The following LGI2 variants were observed in gnomAD, a reference collection of about 807,000 sequenced individuals.
LGI2 encodes leucine rich repeat LGI family member 2, also known as leucine-rich repeat LGI family member 2.
Under a neutral mutation model 52.0 loss-of-function variants are expected in LGI2, and 30 were observed. The ratio of observed to expected loss-of-function variants is 0.58; its 90% CI spans 0.43 to 0.78. LGI2 has a LOEUF of 0.78. LGI2 is among the 30% of genes least tolerant of loss of function. LGI2 has a pLI of 0.00. For missense variants in LGI2, 573 were observed against 692.5 expected, an observed-to-expected ratio of 0.83 and a Z score of 1.94; for synonymous variants, 270 against 271.8, an observed-to-expected ratio of 0.99 and a Z score of 0.06.
chr4:25,011,616 C>A (rs548182018), intron 7 of LGI2, among the ~76,000 whole-genome samples: 1 of 152,322 alleles, frequency 6.6e-6, no homozygotes, highest in African/African-American at 2.4e-5. Flanking sequence ...ACATCAGGAA[C>A]CTCTAAAGGA....
At chr4:25,018,845 G>T (rs566605852) in intron 5 of LGI2, among the ~76,000 whole-genome samples, 4 of 150,556 alleles carry the variant, frequency 2.7e-5, no homozygotes, top group Non-Finnish European at 5.9e-5. Flanking sequence ...CTGGGCAACA[G>T]AGCAAGACTA....
In LGI2 at chr4:25,000,059, C is replaced by T. The variant is rs2109400137; in HGVS notation, c.*3392G>A. The T allele has an allele frequency of 3.4e-6, 1 of 291,050 alleles. No individual in the cohort carries two copies. The highest frequency in any genetic ancestry group is 6.9e-6 in the Non-Finnish European group (1 of 145,710). The allele number at this position is 291,050 out of a possible 1,614,324, so 18.0% of individuals were successfully genotyped here. On this transcript the variant is annotated 3_prime_UTR_variant, in exon 8 of 8. Transcript: ENST00000382114. Reference sequence around the variant, plus strand: ...TCTGGACCACTTTCAAGAGTGGGGCCTTGAATGTAAAAAGAGTGGGGCATG... The same window carrying T: ...TCTGGACCACTTTCAAGAGTGGGGCTTTGAATGTAAAAAGAGTGGGGCATG...
At chr4:24,996,828 G>GA (rs1414020698), downstream of LGI2, among the ~76,000 whole-genome samples, 2 of 152,232 alleles carry the variant, frequency 1.3e-5, no homozygotes, top group Non-Finnish European at 2.9e-5. Context: ...GGAAGAGGAA[G>GA]AAAACTTAGC....
At chr4:25,026,791 GT>G in intron 3 of LGI2, 76 bp downstream of exon 3, 1 of 1,151,922 alleles carries the variant, frequency 8.7e-7, no homozygotes. Context: ...CAGAGATGCT[GT>G]TCCAGCACAG....
Position 25,026,097 on chromosome 4 carries a change from T to G in LGI2, c.341+771A>C, listed in dbSNP as rs1726142873. ...ACACAAAGTCAGCAGAGAGCTTTCTTATATCTAGGATGTGTCTAGAATTCC... is the reference window on the plus strand; with the variant it reads ...ACACAAAGTCAGCAGAGAGCTTTCTGATATCTAGGATGTGTCTAGAATTCC... On this transcript the variant is annotated intron_variant, in intron 3 of 7. Transcript: ENST00000382114. 3.3e-5 allele frequency among the ~76,000 whole-genome samples: 5 copies of G among 151,798 alleles called. No homozygotes were observed. In the South Asian group the frequency reaches 1.0e-3, roughly 32 times the overall value.
At chr4:25,015,211 C>A (rs1409190424) in intron 6 of LGI2, among the ~76,000 whole-genome samples, 1 of 152,190 alleles carries the variant, frequency 6.6e-6, no homozygotes, top group African/African-American at 2.4e-5. Context: ...TACATGACGC[C>A]GATCCTTCTG....
intron 6 of LGI2, among the ~76,000 whole-genome samples, chr4:25,014,857 G>A (rs75373699): frequency 4.5e-5 from 5 of 111,528 alleles, no homozygotes. Flanking sequence ...AAAAAAAAGA[G>A]AGAGAGAGAG....
intron 4 of LGI2, among the ~76,000 whole-genome samples, chr4:25,020,541 G>T (rs13138167): frequency 0.13 from 19,289 of 152,220 alleles, 1,538 homozygotes; most frequent in East Asian, 0.36. Flanking sequence ...ACATATGAAT[G>T]CAAACAGCAA....
chr4:25,016,741 G>A lies in LGI2; in HGVS notation c.655+1248C>T, dbSNP rs538254717. Among the ~76,000 whole-genome samples, 3 of 152,320 alleles carry A rather than the reference G, an allele frequency of 2.0e-5. No homozygotes were observed. In the South Asian group the frequency reaches 6.2e-4, roughly 32 times the overall value. On this transcript the variant is annotated intron_variant, in intron 6 of 7. Coordinates refer to ENST00000382114, the MANE Select transcript of LGI2 (RefSeq NM_018176.4). ...TTATTTGTTGGAAGGTGGTAGCGGG[G>A]ACTGGCCTAAATATGATATTTTGTT...
Position 25,030,905 on chromosome 4 carries a change from T to C in LGI2, c.-212A>G, listed in dbSNP as rs1411944749. ...GGCGCCCCCCCACCCGAGCCCGGGC[T>C]GCTGGGCGGCCGCCGCCGCTGCGCC... is the stretch of plus-strand genomic sequence containing the variant. On this transcript the variant is annotated 5_prime_UTR_variant, in exon 1 of 8. Coordinates refer to ENST00000382114, the MANE Select transcript of LGI2 (RefSeq NM_018176.4). 1 of 164,844 alleles carries C rather than the reference T, an allele frequency of 6.1e-6. No individual in the cohort carries two copies. The highest frequency in any genetic ancestry group is 1.3e-5 in the Non-Finnish European group (1 of 79,530). The allele number at this position is 164,844 out of a possible 1,614,324, so 10.2% of individuals were successfully genotyped here.
At chr4:25,015,052 T>C (rs545866641) in intron 6 of LGI2, among the ~76,000 whole-genome samples, 6 of 152,188 alleles carry the variant, frequency 3.9e-5, no homozygotes, top group Admixed American at 2.6e-4. Context: ...GTTAAAATAT[T>C]AATGGCACTC....
intron 7 of LGI2, among the ~76,000 whole-genome samples, chr4:25,010,688 G>A (rs1725552214): frequency 6.6e-6 from 1 of 152,114 alleles, no homozygotes; most frequent in Non-Finnish European, 1.5e-5. Flanking sequence ...CTAACCTATG[G>A]GCAGGTGTAA....
chr4:25,020,716 G>T (rs889036088), intron 4 of LGI2, among the ~76,000 whole-genome samples: 1 of 152,156 alleles, frequency 6.6e-6, no homozygotes, highest in Non-Finnish European at 1.5e-5. Flanking sequence ...AAAGCTTGGA[G>T]CCCAAATATT....
downstream of LGI2, among the ~76,000 whole-genome samples, chr4:24,996,907 G>A (rs918513604): frequency 6.6e-6 from 1 of 152,210 alleles, no homozygotes; most frequent in Non-Finnish European, 1.5e-5. Context: ...CATGCTCTTT[G>A]GGGCCCACAT....
downstream of LGI2, among the ~76,000 whole-genome samples, chr4:24,998,240 C>T (rs1725138080): frequency 6.6e-6 from 1 of 152,156 alleles, no homozygotes; most frequent in African/African-American, 2.4e-5. Flanking sequence ...TACTATTTTC[C>T]CTCTTAACTA....
Position 24,999,667 on chromosome 4 carries a change from C to T in LGI2, c.*3784G>A, listed in dbSNP as rs1725180405. 1 of 333,950 alleles carries T rather than the reference C, an allele frequency of 3.0e-6. No individual in the cohort carries two copies. The allele number at this position is 333,950 out of a possible 1,614,324, so 20.7% of individuals were successfully genotyped here. ...CCCCTCCTGCAGATCTTCATCTCAC[C>T]TTCATTATACCCCAGGCCAGAGAAA... On this transcript the variant is annotated 3_prime_UTR_variant, in exon 8 of 8. Coordinates refer to ENST00000382114, the MANE Select transcript of LGI2 (RefSeq NM_018176.4).
At chr4:25,011,934 T>G (rs1024426450) in intron 7 of LGI2, among the ~76,000 whole-genome samples, 1 of 152,186 alleles carries the variant, frequency 6.6e-6, no homozygotes, top group East Asian at 1.9e-4. Flanking sequence ...TATGTGTGTG[T>G]GTGTGTTTGT....
At position 25,003,768 on chromosome 4, in the gene LGI2, C is replaced by T. The variant is rs749133329; in HGVS notation, c.1321G>A (p.Gly441Arg). The stretch of plus-strand genomic sequence containing the variant: ...TTCCACCTCATGACCCGGGAGTCCC[C>T]GATGAAGCGGGTAAGGGAAAGGTAG... ...TLYLSLTRFI[G>R]DSRVMRWNSK... The change falls in exon 8 of 8, where the codon GGG (glycine) becomes AGG (arginine). Residue 441 changes from glycine (G) to arginine (R), a missense_variant. By Grantham distance (125) the Gly-to-Arg change is moderately radical. Coordinates refer to ENST00000382114, the MANE Select transcript of LGI2 (RefSeq NM_018176.4). The T allele has an allele frequency of 6.8e-6, 11 of 1,614,152 alleles. No homozygotes were observed. Among genetic ancestry groups the T allele is most frequent in the South Asian group, 1.1e-5 (1 of 91,064 alleles).
In LGI2 at chr4:25,018,022, C is replaced by A. The variant is rs375887654; in HGVS notation, c.622G>T (p.Val208Leu). The A allele has an allele frequency of 1.2e-6, 2 of 1,612,642 alleles. No individual in the cohort carries two copies. The highest frequency in any genetic ancestry group is 1.7e-6 in the Non-Finnish European group (2 of 1,179,642). Residue 208 changes from valine (V) to leucine (L), a missense_variant, in exon 6 of 8, where the codon GTG (valine) becomes TTG (leucine). Val to Leu is a conservative substitution (Grantham distance 32). Coordinates refer to ENST00000382114, the MANE Select transcript of LGI2 (RefSeq NM_018176.4). ...GTGCATTCATAGTCAAAGCTGGTCA[C>A]GTCATTTAGCTTCTTTTCCTGATAC... The part of the protein sequence containing the change: ...PEYQEKKLND[V>L]TSFDYECTTT...
Sources: gnomAD v4.1 joint callset for allele counts (sites outside exome capture counted in the v4.1 genomes callset) on GRCh38, gnomAD v4.1.1 for gene constraint, MANE v1.5 for transcripts, NCBI Gene and HGNC (gene_info 2026-07-23, HGNC 2026-07-21) for gene names.